PXDNL: variants seen among roughly 807,000 people sequenced by gnomAD.
PXDNL encodes the protein peroxidasin like.
In PXDNL, 145 loss-of-function variants were observed where a neutral mutation model predicts 150.8. The observed-to-expected ratio is 0.96, with a 90% confidence interval of 0.84 to 1.10. The LOEUF (loss-of-function observed/expected upper bound fraction) is 1.10, where lower values mean the gene tolerates loss of function less well. Among genes scored for constraint, PXDNL ranks in the 50% least tolerant of loss-of-function variants. The probability of loss-of-function intolerance (pLI) is 0.00; values close to 1 mark genes in which losing one functional copy is unlikely to be tolerated. For missense variants in PXDNL, 2,087 were observed against 1,873.9 expected (o/e 1.11, Z -2.10); for synonymous variants, 757 against 725.7 (o/e 1.04, Z -0.69).
chr8:51,802,882 A>T (rs1050424398), intron 1 of PXDNL, among the ~76,000 whole-genome samples: 1 of 152,236 alleles, frequency 6.6e-6, no homozygotes, highest in Non-Finnish European at 1.5e-5. Context: ...GTTTTTGATA[A>T]ACATTTACAT....
chr8:51,341,373 A>T (rs117245289), intron 20 of PXDNL, among the ~76,000 whole-genome samples: 4 of 152,304 alleles, frequency 2.6e-5, no homozygotes, highest in Non-Finnish European at 5.9e-5. Flanking sequence ...CAAAGTACTA[A>T]ATATAAATAT....
intron 1 of PXDNL, among the ~76,000 whole-genome samples, chr8:51,666,280 C>T (rs1428271349): frequency 6.6e-6 from 1 of 152,100 alleles, no homozygotes; most frequent in Admixed American, 6.5e-5. Flanking sequence ...GACTCTTTTT[C>T]CAGACCATGT....
intron 3 of PXDNL, among the ~76,000 whole-genome samples, chr8:51,580,750 C>T (rs1490364166): frequency 6.6e-6 from 1 of 152,078 alleles, no homozygotes; most frequent in Non-Finnish European, 1.5e-5. Flanking sequence ...GATACAACAG[C>T]TATATGACAA....
chr8:51,542,130 T>C (rs1275857116), intron 4 of PXDNL, among the ~76,000 whole-genome samples: 1 of 151,740 alleles, frequency 6.6e-6, no homozygotes, highest in Non-Finnish European at 1.5e-5. Flanking sequence ...AATTTCAGGC[T>C]TTAATTTATT....
At chr8:51,665,563 T>C (rs1815367026) in intron 1 of PXDNL, among the ~76,000 whole-genome samples, 1 of 152,200 alleles carries the variant, frequency 6.6e-6, no homozygotes, top group Non-Finnish European at 1.5e-5. Context: ...ATCTTCCTTA[T>C]ATGCAAAATA....
intron 8 of PXDNL, among the ~76,000 whole-genome samples, chr8:51,461,396 G>C (rs530988761): frequency 1.3e-4 from 20 of 152,226 alleles, no homozygotes; most frequent in Non-Finnish European, 2.6e-4. Context: ...ACAGCCCAGC[G>C]ATCTGGGTGC....
At chr8:51,763,206 TG>T (rs1447311072) in intron 1 of PXDNL, among the ~76,000 whole-genome samples, 2 of 152,174 alleles carry the variant, frequency 1.3e-5, no homozygotes, top group Non-Finnish European at 2.9e-5. Context: ...CAGCGTTTTG[TG>T]ACTGGCTTCT....
intron 6 of PXDNL, among the ~76,000 whole-genome samples, chr8:51,477,713 C>T (rs1209960602): frequency 6.6e-6 from 1 of 152,176 alleles, no homozygotes; most frequent in Non-Finnish European, 1.5e-5. Context: ...GATGTGAATA[C>T]ACATCCCCTG....
Position 51,453,910 on chromosome 8 carries a change from T to C in PXDNL, c.983-125A>G, listed in dbSNP as rs191532680. On this transcript the variant is annotated intron_variant, in intron 9 of 22. Transcript: ENST00000356297. ...TTCCTTTAAACTAAAATATTACACA[T>C]ATATATATATACACATTTAATTCCC... is the stretch of plus-strand genomic sequence containing the variant. 7.0e-4 allele frequency: 515 copies of C among 738,168 alleles called. 5 individuals are homozygous for C. In the South Asian group the frequency reaches 9.6e-3, roughly 14 times the overall value. 45.7% of individuals were successfully genotyped at this position (738,168 alleles called of 1,614,324 possible). A position where few individuals can be genotyped will look rare whatever the true frequency, so the allele number is the denominator to read the frequency against.
At chr8:51,500,838 T>C (rs1196667926) in intron 4 of PXDNL, among the ~76,000 whole-genome samples, 1 of 152,226 alleles carries the variant, frequency 6.6e-6, no homozygotes, top group Non-Finnish European at 1.5e-5. Context: ...AAGAAAGCTT[T>C]ACAACCCACG....
chr8:51,520,759 C>T (rs1429271659), intron 4 of PXDNL, among the ~76,000 whole-genome samples: 1 of 152,036 alleles, frequency 6.6e-6, no homozygotes, highest in Non-Finnish European at 1.5e-5. Context: ...AGCCTGCATA[C>T]CTCAGCACCT....
At chr8:51,794,540 A>C (rs2037542431) in intron 1 of PXDNL, among the ~76,000 whole-genome samples, 1 of 152,218 alleles carries the variant, frequency 6.6e-6, no homozygotes, top group Non-Finnish European at 1.5e-5. Context: ...TCCAACCCAG[A>C]ATTTCATATC....
chr8:51,507,574 A>T (rs75835482), intron 4 of PXDNL, among the ~76,000 whole-genome samples: 3,952 of 152,310 alleles, frequency 0.026, 209 homozygotes, highest in East Asian at 0.25. Context: ...GAAATTTCTA[A>T]GTGAAATTTT....
chr8:51,714,232 A>G (rs1429750888), intron 1 of PXDNL, among the ~76,000 whole-genome samples: 1 of 152,198 alleles, frequency 6.6e-6, no homozygotes, highest in East Asian at 1.9e-4. Context: ...TATTTTGTGC[A>G]CCCAGATTCT....
intron 4 of PXDNL, among the ~76,000 whole-genome samples, chr8:51,524,584 C>T (rs953950389): frequency 4.5e-4 from 69 of 152,038 alleles, no homozygotes; most frequent in African/African-American, 1.5e-3. Context: ...GTATAAAATT[C>T]AGTTTTTATT....
intron 5 of PXDNL, among the ~76,000 whole-genome samples, chr8:51,499,360 A>G (rs1162430202): frequency 2.0e-5 from 3 of 152,076 alleles, no homozygotes; most frequent in African/African-American, 4.8e-5. Context: ...CGAACTCCTG[A>G]ACTCAGGTGA....
chr8:51,546,907 GC>G (rs1812372046), intron 4 of PXDNL, among the ~76,000 whole-genome samples: 4 of 152,144 alleles, frequency 2.6e-5, no homozygotes, highest in Non-Finnish European at 4.4e-5. Flanking sequence ...CCTGAATGAA[GC>G]AGCAGAGGCA....
At chr8:51,632,912 T>C (rs1252581512) in intron 2 of PXDNL, among the ~76,000 whole-genome samples, 1 of 152,170 alleles carries the variant, frequency 6.6e-6, no homozygotes, top group African/African-American at 2.4e-5. Context: ...TCTGTTATTT[T>C]AGATTCAGGG....
chr8:51,681,547 G>A (rs1198763983), intron 1 of PXDNL, among the ~76,000 whole-genome samples: 1 of 152,226 alleles, frequency 6.6e-6, no homozygotes, highest in Non-Finnish European at 1.5e-5. Flanking sequence ...GCAGATCTGG[G>A]GGTAAACAGG....
Sources: allele counts gnomAD v4.1 joint callset (sites outside exome capture counted in the v4.1 genomes callset), GRCh38; gene constraint gnomAD v4.1.1; transcripts MANE v1.5; gene names NCBI Gene and HGNC (gene_info 2026-07-23, HGNC 2026-07-21).